Variants in TNS3 observed in about 807,000 individuals in gnomAD.
TNS3 encodes tensin-3.
In TNS3, 45 loss-of-function variants were observed where a neutral mutation model predicts 140.9. That is an observed-to-expected ratio of 0.32 (90% CI 0.25 to 0.41). The LOEUF is 0.41. Among genes scored for constraint, TNS3 ranks in the 10% least tolerant of loss-of-function variants. The pLI is 1.00. For synonymous variants in TNS3, 815 were observed against 788.4 expected (o/e 1.03, Z -0.56); for missense variants, 1,716 against 1,906.7 (o/e 0.90, Z 1.86).
chr7:47,425,032 T>C (rs1697238010), intron 9 of TNS3, among the ~76,000 whole-genome samples: 1 of 152,174 alleles, frequency 6.6e-6, no homozygotes, highest in African/African-American at 2.4e-5. Context: ...CTTAAAACCC[T>C]GATAGGCTGG....
At chr7:47,459,392 T>A (rs1053111583) in intron 4 of TNS3, among the ~76,000 whole-genome samples, 1 of 152,062 alleles carries the variant, frequency 6.6e-6, no homozygotes, top group Non-Finnish European at 1.5e-5. Context: ...TTATCCCCTT[T>A]CCAAAAAAGA....
intron 17 of TNS3, among the ~76,000 whole-genome samples, chr7:47,365,721 T>C (rs921311787): frequency 4.0e-5 from 6 of 150,092 alleles, no homozygotes; most frequent in Non-Finnish European, 5.9e-5. Context: ...GATCACGCCA[T>C]TGCACTCCAG....
intron 4 of TNS3, among the ~76,000 whole-genome samples, chr7:47,477,372 G>A (rs927593809): frequency 9.2e-5 from 14 of 152,200 alleles, no homozygotes; most frequent in African/African-American, 2.9e-4. Context: ...GGAGGGCCTG[G>A]GGGTGGGTAC....
chr7:47,280,256 C>T (rs778462845), intron 29 of TNS3, 30 bp downstream of exon 29: 1 of 1,613,978 alleles, frequency 6.2e-7, no homozygotes, highest in East Asian at 2.2e-5. Context: ...TAAGTACACT[C>T]CTTGCTCAAT....
At chr7:47,530,838 A>AAAATATATATATATATAT in intron 1 of TNS3, among the ~76,000 whole-genome samples, 16 of 54,524 alleles carry the variant, frequency 2.9e-4, no homozygotes, top group Admixed American at 6.9e-4. Context: ...AAAAAAAAAA[A>AAAATATATATATATATAT]ATATATATAT....
In TNS3 at chr7:47,283,694, C is replaced by T; in HGVS notation, c.4097+3G>A. On this transcript the variant is annotated splice_donor_region_variant and intron_variant, in intron 28 of 30. Transcript: ENST00000311160. ...CGGCTCCTGCCTCCCTCTAGGCACT[C>T]ACTTCCTCTGATTGTCTGTCAGGGT... is the stretch of plus-strand genomic sequence containing the variant. 1 of 1,562,470 alleles carries T rather than the reference C, an allele frequency of 6.4e-7. No individual in the cohort carries two copies. The highest frequency in any genetic ancestry group is 8.7e-7 in the Non-Finnish European group (1 of 1,155,088).
intron 3 of TNS3, among the ~76,000 whole-genome samples, chr7:47,505,777 A>G (rs1048973588): frequency 1.3e-5 from 2 of 152,192 alleles, no homozygotes; most frequent in East Asian, 1.9e-4. Flanking sequence ...GCGTGTGAGC[A>G]CAAATGTGTT....
intron 13 of TNS3, among the ~76,000 whole-genome samples, chr7:47,409,167 G>A (rs1793615583): frequency 6.6e-6 from 1 of 152,106 alleles, no homozygotes; most frequent in Non-Finnish European, 1.5e-5. Context: ...GGAGAAGTTT[G>A]TAAAGGCAGG....
At chr7:47,518,674 T>TATAA (rs1307753565) in intron 2 of TNS3, among the ~76,000 whole-genome samples, 2 of 152,172 alleles carry the variant, frequency 1.3e-5, no homozygotes, top group Admixed American at 6.5e-5. Context: ...CAAGAAAGAA[T>TATAA]ATAAATAAAT....
rs770520080 is a variant in TNS3, at chr7:47,340,115, ATTTTTTTTTT to A, written c.2650+4630_2650+4639del. Among the ~76,000 whole-genome samples, 91 of 28,548 alleles carry A rather than the reference ATTTTTTTTTT, an allele frequency of 3.2e-3. 1 individual carries two copies. Among genetic ancestry groups the A allele is most frequent in the African/African-American group, 9.3e-3 (87 of 9,370 alleles). 18.7% of individuals were successfully genotyped at this position (28,548 alleles called of 152,430 possible). A position where few individuals can be genotyped will look rare whatever the true frequency, so the allele number is the denominator to read the frequency against. ...TACATATATATATATATATATATAT[ATTTTTTTTTT>A]TTTTTTTTTTTTTTTTTGAGACGGA... On this transcript the variant is annotated intron_variant, in intron 20 of 30. Coordinates refer to ENST00000311160, the MANE Select transcript of TNS3 (RefSeq NM_022748.12).
At chr7:47,402,060 C>T (rs996084505) in intron 13 of TNS3, among the ~76,000 whole-genome samples, 2 of 152,158 alleles carry the variant, frequency 1.3e-5, no homozygotes, top group Admixed American at 6.5e-5. Flanking sequence ...AGGTATGATC[C>T]GGACCAGCAT....
intron 4 of TNS3, among the ~76,000 whole-genome samples, chr7:47,458,436 G>A (rs1358872148): frequency 6.6e-6 from 1 of 152,242 alleles, no homozygotes; most frequent in Non-Finnish European, 1.5e-5. Flanking sequence ...TAGAACAGCT[G>A]TGCCTCCTGG....
rs1292353044 is a variant in TNS3, at chr7:47,275,837, C to T, written c.*2239G>A. 7 of 455,908 alleles carry T rather than the reference C, an allele frequency of 1.5e-5. No homozygotes were observed. Among genetic ancestry groups the T allele is most frequent in the Middle Eastern group, 3.2e-4 (1 of 3,090 alleles). 28.2% of individuals were successfully genotyped at this position (455,908 alleles called of 1,614,324 possible). Reference sequence around the variant, plus strand: ...CACGTTTGCAGGGCTTCCTGAATGCCGTCGAGGCATGGCTTCATGAGGGCC... The same window carrying T: ...CACGTTTGCAGGGCTTCCTGAATGCTGTCGAGGCATGGCTTCATGAGGGCC... On this transcript the variant is annotated 3_prime_UTR_variant, in exon 31 of 31. Coordinates refer to ENST00000311160, the MANE Select transcript of TNS3 (RefSeq NM_022748.12).
intron 6 of TNS3, among the ~76,000 whole-genome samples, chr7:47,438,507 G>C (rs1795302524): frequency 6.6e-6 from 1 of 152,208 alleles, no homozygotes; most frequent in Non-Finnish European, 1.5e-5. Flanking sequence ...AGGGCCCCTG[G>C]TGAGAGGCAC....
At chr7:47,279,951 AT>A (rs1205849967) in intron 30 of TNS3, 6 of 618,348 alleles carry the variant, frequency 9.7e-6, no homozygotes, top group Non-Finnish European at 1.7e-5. Context: ...ACATGTAAAT[AT>A]TGCACATCCA....
intron 1 of TNS3, among the ~76,000 whole-genome samples, chr7:47,554,368 A>G (rs550181100): frequency 1.3e-5 from 2 of 150,560 alleles, no homozygotes; most frequent in Admixed American, 1.3e-4. Flanking sequence ...CAGTGAGCTG[A>G]GATTGCGCCA....
At chr7:47,361,284 C>T (rs1255929460) in intron 17 of TNS3, among the ~76,000 whole-genome samples, 1 of 150,900 alleles carries the variant, frequency 6.6e-6, no homozygotes, top group Non-Finnish European at 1.5e-5. Context: ...AAGAGCCACA[C>T]TCCTTGGCCC....
At chr7:47,443,889 C>G (rs1031270185) in intron 4 of TNS3, among the ~76,000 whole-genome samples, 2 of 152,130 alleles carry the variant, frequency 1.3e-5, no homozygotes, top group Non-Finnish European at 2.9e-5. Flanking sequence ...CCACTGCACT[C>G]CAGCCTGGGC....
intron 16 of TNS3, among the ~76,000 whole-genome samples, chr7:47,385,511 G>A (rs746096112): frequency 2.0e-5 from 3 of 152,118 alleles, no homozygotes; most frequent in Non-Finnish European, 4.4e-5. Flanking sequence ...GGAGGAGATG[G>A]AGACTGCATC....
Sources: gnomAD v4.1 joint callset for allele counts (sites outside exome capture counted in the v4.1 genomes callset) on GRCh38, gnomAD v4.1.1 for gene constraint, MANE v1.5 for transcripts, NCBI Gene and HGNC (gene_info 2026-07-23, HGNC 2026-07-21) for gene names.